Variants in ZNF599 observed in about 807,000 individuals in gnomAD.
ZNF599 encodes the protein zinc finger protein 599.
A neutral mutation model predicts 11.7 loss-of-function variants in ZNF599; 10 were observed. That is an observed-to-expected ratio of 0.86 (90% CI 0.53 to 1.45). The LOEUF is 1.45. Among genes scored for constraint, ZNF599 ranks in the 40% most tolerant of loss-of-function variants. The pLI, the probability that ZNF599 is intolerant of heterozygous loss-of-function variation, is 0.00. For synonymous variants in ZNF599, 232 were observed against 253.2 expected (o/e 0.92, Z 0.79); for missense variants, 688 against 713.6 (o/e 0.96, Z 0.41).
chr19:34,805,743 C>T, the ZNF599 span, among the ~76,000 whole-genome samples: 2 of 152,102 alleles, frequency 1.3e-5, no homozygotes, highest in African/African-American at 4.8e-5. Flanking sequence ...GCCATTGCTC[C>T]CATCAACTCC....
At chr19:34,801,829 A>G in the ZNF599 span, among the ~76,000 whole-genome samples, 3 of 152,228 alleles carry the variant, frequency 2.0e-5, no homozygotes, top group Non-Finnish European at 4.4e-5. Context: ...CCCTTCACGA[A>G]AAAGCTCCTA....
chr19:34,770,125 G>A (rs2069173305), intron 1 of ZNF599, among the ~76,000 whole-genome samples: 1 of 152,194 alleles, frequency 6.6e-6, no homozygotes, highest in Non-Finnish European at 1.5e-5. Context: ...TGTTCATAAA[G>A]CAAACACTGC....
upstream of ZNF599, among the ~76,000 whole-genome samples, chr19:34,778,123 T>C (rs2069230525): frequency 6.6e-6 from 1 of 152,100 alleles, no homozygotes; most frequent in African/African-American, 2.4e-5. Context: ...TGCAGGTTTT[T>C]TTATATTAGT....
In ZNF599 at chr19:34,760,091, C is replaced by A. The variant is rs149040820; in HGVS notation, c.710G>T (p.Arg237Leu). The A allele has an allele frequency of 1.2e-6, 2 of 1,613,928 alleles. No individual in the cohort carries two copies. Among genetic ancestry groups the A allele is most frequent in the South Asian group, 1.1e-5 (1 of 91,078 alleles). Residue 237 changes from arginine (R) to leucine (L), a missense_variant, in exon 4 of 4, where the codon CGT (arginine) becomes CTT (leucine). Physicochemically the swap from Arg to Leu is moderately radical, Grantham distance 102 (BLOSUM62 -2). Coordinates refer to ENST00000329285, the MANE Select transcript of ZNF599 (RefSeq NM_001007248.3). ...ATGTCGAATGACATCAGCCATATAA[C>A]GACAGGCTTTCCCACACTCATTGCA... ...YECNECGKAC[R>L]YMADVIRHMR...
chr19:34,785,583 A>G, the ZNF599 span, among the ~76,000 whole-genome samples: 1 of 152,178 alleles, frequency 6.6e-6, no homozygotes, highest in Admixed American at 6.5e-5. Flanking sequence ...TCAGGGAAAT[A>G]TTATCCTTTG....
upstream of ZNF599, among the ~76,000 whole-genome samples, chr19:34,777,474 A>AATTAATATATAATATATGATATAT (rs1458572236): frequency 2.0e-5 from 2 of 102,550 alleles, no homozygotes; most frequent in Non-Finnish European, 3.6e-5. Context: ...ATTATATATT[A>AATTAATATATAATATATGATATAT]ATTAATATAT....
chr19:34,785,952 T>TA, the ZNF599 span, among the ~76,000 whole-genome samples: 2 of 152,098 alleles, frequency 1.3e-5, no homozygotes, highest in East Asian at 3.9e-4. Context: ...TCCACCAGTA[T>TA]AAAATACACG....
chr19:34,761,250 T>C (rs1340682836), intron 3 of ZNF599, among the ~76,000 whole-genome samples: 1 of 152,110 alleles, frequency 6.6e-6, no homozygotes, highest in Admixed American at 6.5e-5. Flanking sequence ...GTCTGCAATG[T>C]CTGAATAAAG....
upstream of ZNF599, among the ~76,000 whole-genome samples, chr19:34,776,435 C>G (rs1015725249): frequency 6.6e-6 from 1 of 152,190 alleles, no homozygotes; most frequent in Non-Finnish European, 1.5e-5. Context: ...TTTATATACA[C>G]CTCAGGGATA....
chr19:34,807,063 T>C, the ZNF599 span, among the ~76,000 whole-genome samples: 20 of 152,296 alleles, frequency 1.3e-4, no homozygotes, highest in African/African-American at 4.8e-4. Flanking sequence ...CTCTACTCTG[T>C]GTACACACAG....
intron 1 of ZNF599, among the ~76,000 whole-genome samples, chr19:34,770,878 C>A (rs2069179495): frequency 6.6e-6 from 1 of 152,216 alleles, no homozygotes; most frequent in African/African-American, 2.4e-5. Flanking sequence ...CCCCTTCATT[C>A]CAATGTCCAC....
At chr19:34,781,764 C>G in the ZNF599 span, among the ~76,000 whole-genome samples, 1 of 152,114 alleles carries the variant, frequency 6.6e-6, no homozygotes, top group African/African-American at 2.4e-5. Flanking sequence ...AAGGGTGTGT[C>G]CAGGCCCAAG....
intron 3 of ZNF599, among the ~76,000 whole-genome samples, chr19:34,760,980 G>A (rs1374471882): frequency 6.6e-6 from 1 of 152,182 alleles, no homozygotes; most frequent in African/African-American, 2.4e-5. Context: ...CCAAGAAAAG[G>A]TGAGCTACGT....
chr19:34,777,537 T>C (rs1249453450), upstream of ZNF599, among the ~76,000 whole-genome samples: 1 of 120,730 alleles, frequency 8.3e-6, no homozygotes, highest in Non-Finnish European at 1.6e-5. Context: ...ATATAATCTA[T>C]ATATCTATAT....
the ZNF599 span, among the ~76,000 whole-genome samples, chr19:34,791,487 T>C: frequency 7.2e-5 from 11 of 152,196 alleles, no homozygotes; most frequent in Admixed American, 6.5e-5. Context: ...GCTGCTGATA[T>C]TGTAAAGTGT....
At chr19:34,771,499 T>A (rs1387988856) in intron 1 of ZNF599, among the ~76,000 whole-genome samples, 1 of 152,196 alleles carries the variant, frequency 6.6e-6, no homozygotes, top group Non-Finnish European at 1.5e-5. Context: ...CTGTTAGTAT[T>A]TTTCCTATTT....
upstream of ZNF599, among the ~76,000 whole-genome samples, chr19:34,778,201 T>C (rs778518927): frequency 2.6e-5 from 4 of 152,060 alleles, no homozygotes; most frequent in Admixed American, 6.6e-5. Context: ...GGGAAATCTA[T>C]AATATTAAAC....
chr19:34,777,375 TATATATTAATTA>T (rs2069222713), upstream of ZNF599, among the ~76,000 whole-genome samples: 1 of 89,132 alleles, frequency 1.1e-5, no homozygotes, highest in African/African-American at 4.9e-5. Context: ...TATTATATAT[TATATATTAATTA>T]ATATATAATA....
chr19:34,786,766 C>A, the ZNF599 span, among the ~76,000 whole-genome samples: 1 of 152,188 alleles, frequency 6.6e-6, no homozygotes, highest in East Asian at 1.9e-4. Flanking sequence ...GCCACCCAAG[C>A]TGATGCTCCA....
Sources: gnomAD v4.1 joint callset for allele counts (sites outside exome capture counted in the v4.1 genomes callset) on GRCh38, gnomAD v4.1.1 for gene constraint, MANE v1.5 for transcripts, NCBI Gene and HGNC (gene_info 2026-07-23, HGNC 2026-07-21) for gene names.